Variants in MTA3 observed in about 807,000 individuals in gnomAD.
MTA3 encodes the protein metastasis-associated protein MTA3.
In MTA3, 34 loss-of-function variants were observed where a neutral mutation model predicts 83.5. That is an observed-to-expected ratio of 0.41 (90% CI 0.31 to 0.54). MTA3 has a LOEUF of 0.54. Ranked by LOEUF, MTA3 falls within the 20% of genes least tolerant of loss-of-function variation. The pLI, the probability that MTA3 is intolerant of heterozygous loss-of-function variation, is 0.33. For missense variants in MTA3, 761 were observed against 726.4 expected (o/e 1.05, Z -0.55); for synonymous variants, 303 against 252.7 (o/e 1.20, Z -1.89).
intron 3 of MTA3, among the ~76,000 whole-genome samples, chr2:42,594,873 C>T (rs951242375): frequency 3.3e-4 from 47 of 140,960 alleles, no homozygotes; most frequent in Non-Finnish European, 6.7e-4. Flanking sequence ...ACTACAAGAG[C>T]CTGCCACTAC....
chr2:42,606,734 G>A (rs1288674154), intron 3 of MTA3, among the ~76,000 whole-genome samples: 1 of 151,668 alleles, frequency 6.6e-6, no homozygotes, highest in Non-Finnish European at 1.5e-5. Flanking sequence ...CAGGCGGCTG[G>A]GAGGTGTAGG....
intron 16 of MTA3, among the ~76,000 whole-genome samples, chr2:42,744,859 A>T (rs1669299831): frequency 6.6e-6 from 1 of 152,208 alleles, no homozygotes; most frequent in South Asian, 2.1e-4. Flanking sequence ...TGATTTAGGC[A>T]TCCCCCTGAG....
chr2:42,540,600 C>T (rs1013051152), intron 2 of MTA3, among the ~76,000 whole-genome samples: 10 of 151,852 alleles, frequency 6.6e-5, no homozygotes, highest in Non-Finnish European at 1.2e-4. Flanking sequence ...TTTGGAAGGC[C>T]GAGGCAGGAG....
At chr2:42,633,083 T>C (rs1686841323) in intron 4 of MTA3, among the ~76,000 whole-genome samples, 1 of 151,560 alleles carries the variant, frequency 6.6e-6, no homozygotes, top group African/African-American at 2.4e-5. Flanking sequence ...GCCAACATGG[T>C]GAAATCCTGT....
chr2:42,594,728 A>ATATATATATATTT lies in MTA3; in HGVS notation c.191-14729_191-14728insATATATATATTTT. On this transcript the variant is annotated intron_variant, in intron 3 of 16. Coordinates refer to ENST00000405094, the MANE Select transcript of MTA3 (RefSeq NM_001330442.2). ...TACATATATATATATATATATATAT[A>ATATATATATATTT]TTTTTTTTTTTTTTTTGAGACAGAG... is the stretch of plus-strand genomic sequence containing the variant. Among the ~76,000 whole-genome samples, 50 of 24,038 alleles carry ATATATATATATTT rather than the reference A, an allele frequency of 2.1e-3. 3 individuals are homozygous for ATATATATATATTT. Among genetic ancestry groups the ATATATATATATTT allele is most frequent in the African/African-American group, 8.7e-3 (39 of 4,464 alleles). The allele number at this position is 24,038 out of a possible 152,430, so 15.8% of individuals were successfully genotyped here.
intron 16 of MTA3, among the ~76,000 whole-genome samples, chr2:42,746,044 C>T (rs1031252000): frequency 6.6e-6 from 1 of 151,584 alleles, no homozygotes; most frequent in East Asian, 2.0e-4. Flanking sequence ...GATCTCCTGA[C>T]ATTGTGATCC....
chr2:42,592,753 A>T (rs1243515296), intron 3 of MTA3, among the ~76,000 whole-genome samples: 1 of 152,192 alleles, frequency 6.6e-6, no homozygotes, highest in African/African-American at 2.4e-5. Flanking sequence ...CGGAGCTATC[A>T]TCTTTGATAA....
At chr2:42,523,306 G>A (rs1675512174) in intron 2 of MTA3, among the ~76,000 whole-genome samples, 1 of 152,070 alleles carries the variant, frequency 6.6e-6, no homozygotes, top group African/African-American at 2.4e-5. Flanking sequence ...CATGTCCTGG[G>A]CAATCTTTGG....
intron 4 of MTA3, among the ~76,000 whole-genome samples, chr2:42,626,557 A>G (rs1359093951): frequency 6.6e-6 from 1 of 151,734 alleles, no homozygotes; most frequent in South Asian, 2.1e-4. Flanking sequence ...CGGCCCCCCA[A>G]AGTGCTGGGA....
At chr2:42,591,183 CATGTT>C (rs1558468280) in intron 3 of MTA3, among the ~76,000 whole-genome samples, 1 of 152,136 alleles carries the variant, frequency 6.6e-6, no homozygotes, top group Non-Finnish European at 1.5e-5. Flanking sequence ...AATCTGTACA[CATGTT>C]ATTGTATTGA....
intron 11 of MTA3, chr2:42,703,341 C>A (rs1404864987): frequency 6.6e-6 from 1 of 152,180 alleles, no homozygotes; most frequent in Non-Finnish European, 1.5e-5. Context: ...GAGTGGTCAT[C>A]ATGAGTGGCC....
intron 2 of MTA3, among the ~76,000 whole-genome samples, chr2:42,524,241 C>T (rs916331098): frequency 6.6e-6 from 1 of 152,018 alleles, no homozygotes; most frequent in African/African-American, 2.4e-5. Flanking sequence ...CACACCACTC[C>T]CTTTGATTGA....
chr2:42,689,388 G>T (rs1404466211), intron 9 of MTA3, among the ~76,000 whole-genome samples: 1 of 152,050 alleles, frequency 6.6e-6, no homozygotes, highest in Non-Finnish European at 1.5e-5. Flanking sequence ...TAATATTTTT[G>T]GTTTTATTTC....
At chr2:42,672,284 A>C (rs1016585178) in intron 8 of MTA3, among the ~76,000 whole-genome samples, 1 of 151,552 alleles carries the variant, frequency 6.6e-6, no homozygotes, top group Non-Finnish European at 1.5e-5. Context: ...ATCACTTAAA[A>C]GCTTGAGACC....
intron 16 of MTA3, among the ~76,000 whole-genome samples, chr2:42,752,686 G>T (rs1216761797): frequency 6.6e-6 from 1 of 152,062 alleles, no homozygotes; most frequent in Non-Finnish European, 1.5e-5. Flanking sequence ...TAATTATGAT[G>T]AGCTCAGATG....
intron 9 of MTA3, among the ~76,000 whole-genome samples, chr2:42,690,080 A>T (rs754261021): frequency 1.9e-4 from 29 of 152,114 alleles, no homozygotes; most frequent in Admixed American, 1.5e-3. Context: ...TGAGCCTGGG[A>T]TTTTGAGGCT....
chr2:42,715,308 G>T (rs905579906), intron 14 of MTA3, among the ~76,000 whole-genome samples: 3 of 151,866 alleles, frequency 2.0e-5, no homozygotes, highest in African/African-American at 7.3e-5. Context: ...CTACTGAATG[G>T]CAACAACTTT....
At chr2:42,685,428 A>G (rs553379165) in intron 9 of MTA3, among the ~76,000 whole-genome samples, 1 of 152,328 alleles carries the variant, frequency 6.6e-6, no homozygotes, top group East Asian at 1.9e-4. Flanking sequence ...TGGGCCAGCT[A>G]AGGATACTGC....
chr2:42,567,780 T>A (rs1381293123), upstream of MTA3, among the ~76,000 whole-genome samples: 1 of 152,132 alleles, frequency 6.6e-6, no homozygotes, highest in Non-Finnish European at 1.5e-5. Flanking sequence ...ATGAAACTGA[T>A]TGAATACAAT....
Sources: allele counts gnomAD v4.1 joint callset (sites outside exome capture counted in the v4.1 genomes callset), GRCh38; gene constraint gnomAD v4.1.1; transcripts MANE v1.5; gene names NCBI Gene and HGNC (gene_info 2026-07-23, HGNC 2026-07-21).